MYBPC1: variants seen among roughly 807,000 people sequenced by gnomAD.
The protein encoded by MYBPC1 is myosin-binding protein C, slow-type.
A neutral mutation model predicts 147.1 loss-of-function variants in MYBPC1; 52 were observed. The ratio of observed to expected loss-of-function variants is 0.35; its 90% CI spans 0.28 to 0.45. The LOEUF (loss-of-function observed/expected upper bound fraction) is 0.45, where lower values mean the gene tolerates loss of function less well. Among genes scored for constraint, MYBPC1 ranks in the 20% least tolerant of loss-of-function variants. MYBPC1 has a pLI of 1.00. For synonymous variants in MYBPC1, 477 were observed against 475.9 expected (o/e 1.00, Z -0.03); for missense variants, 1,228 against 1,440.3 (o/e 0.85, Z 2.39).
Position 101,629,536 on chromosome 12 carries a change from T to C in MYBPC1, c.281T>C (p.Val94Ala), listed in dbSNP as rs1889392008. The change falls in exon 6 of 32, where the codon GTG becomes GCG. Residue 94 changes from valine to alanine, a missense_variant. Physicochemically the swap from Val to Ala is moderately conservative, Grantham distance 64 (BLOSUM62 0). Around this residue, in one of 2 missense-constraint regions of MYBPC1, gnomAD observed 151 missense variants for 126.1 expected, o/e 1.20. Coordinates refer to ENST00000361466, the MANE Select transcript of MYBPC1 (RefSeq NM_002465.4). ...ATTGAAAAACCTCAAGGAGGAACAG[T>C]GAAAGTTGGTGAGTGCCTAGCATTC... ...LFIEKPQGGT[V>A]KVGEDITFIA... is the part of the protein sequence containing the mutation. 1 of 1,609,072 alleles carries C rather than the reference T, an allele frequency of 6.2e-7. No homozygotes were observed. Among genetic ancestry groups the C allele is most frequent in the Non-Finnish European group, 8.5e-7 (1 of 1,175,604 alleles).
At chr12:101,624,719 G>GTTTTTTTTTTT (rs1888185227) in intron 3 of MYBPC1, among the ~76,000 whole-genome samples, 1 of 92,372 alleles carries the variant, frequency 1.1e-5, no homozygotes, top group African/African-American at 3.9e-5. Flanking sequence ...TACGGAGAGA[G>GTTTTTTTTTTT]TCTTGTTATG....
chr12:101,658,841 G>T (rs544500456), intron 18 of MYBPC1, among the ~76,000 whole-genome samples: 1 of 152,286 alleles, frequency 6.6e-6, no homozygotes, highest in East Asian at 1.9e-4. Context: ...AGACTTATGA[G>T]TCCTGATACA....
At chr12:101,688,193 G>A (rs913749696), downstream of MYBPC1, among the ~76,000 whole-genome samples, 8 of 152,294 alleles carry the variant, frequency 5.3e-5, no homozygotes, top group South Asian at 1.4e-3. Flanking sequence ...GCCGAGGCGG[G>A]CAGATCACTT....
rs1469404659 is a variant in MYBPC1 at position 101,597,461 on chromosome 12, A to G, written c.25+2366A>G. Among the ~76,000 whole-genome samples the G allele has an allele frequency of 4.6e-5, 7 of 152,232 alleles. No individual in the cohort carries two copies. In the East Asian group the frequency reaches 1.3e-3, roughly 29 times the overall value. On this transcript the variant is annotated intron_variant, in intron 1 of 31. Coordinates refer to ENST00000361466, the MANE Select transcript of MYBPC1 (RefSeq NM_002465.4). ...GGCTGAGTTTTCAGCACCTGAAGGTACAAAAAATGTCTCACTCAACTACTT... is the reference window on the plus strand; with the variant it reads ...GGCTGAGTTTTCAGCACCTGAAGGTGCAAAAAATGTCTCACTCAACTACTT...
chr12:101,684,429 G>T lies in MYBPC1; in HGVS notation c.*19+5G>T. The T allele has an allele frequency of 6.3e-7, 1 of 1,579,078 alleles. No individual in the cohort carries two copies. Reference sequence around the variant, plus strand: ...GAATGTATAATATCATCTAAGGTAAGCTTTCATATGGTTTTGGCATATGAA... The same window carrying T: ...GAATGTATAATATCATCTAAGGTAATCTTTCATATGGTTTTGGCATATGAA... On this transcript the variant is annotated splice_donor_5th_base_variant and intron_variant, in intron 31 of 31. Coordinates refer to ENST00000361466, the MANE Select transcript of MYBPC1 (RefSeq NM_002465.4).
rs573367273 is a variant in MYBPC1 at position 101,615,859 on chromosome 12, C to T, written c.61+1328C>T. On this transcript the variant is annotated intron_variant, in intron 2 of 31. Coordinates refer to ENST00000361466, the MANE Select transcript of MYBPC1 (RefSeq NM_002465.4). ...GGCAATTATAAAGCTCTTCCTCTTC[C>T]TCCCTGGAGATCGTTTTTCTTTTTT... Among the ~76,000 whole-genome samples the T allele has an allele frequency of 9.2e-5, 14 of 152,146 alleles. 1 individual carries two copies. The highest frequency in any genetic ancestry group is 8.5e-4 in the Admixed American group (13 of 15,258).
intron 15 of MYBPC1, among the ~76,000 whole-genome samples, 174 bp downstream of exon 15, chr12:101,649,600 G>A (rs1022387694): frequency 6.6e-6 from 1 of 152,120 alleles, no homozygotes; most frequent in African/African-American, 2.4e-5. Context: ...TTTAAGGAAG[G>A]AACCACGACT....
At chr12:101,618,297 C>T (rs1886592818) in intron 3 of MYBPC1, among the ~76,000 whole-genome samples, 2 of 152,288 alleles carry the variant, frequency 1.3e-5, no homozygotes, top group South Asian at 4.1e-4. Context: ...CGTTAGTATA[C>T]TCACTTTGTC....
At chr12:101,606,434 CT>C (rs1678052679) in intron 1 of MYBPC1, among the ~76,000 whole-genome samples, 2 of 151,476 alleles carry the variant, frequency 1.3e-5, no homozygotes, top group South Asian at 4.2e-4. Context: ...CCAGACTGTA[CT>C]TTGAGAACCA....
rs1410513640 is a variant in MYBPC1 at position 101,632,051 on chromosome 12, G to A, written c.469G>A (p.Ala157Thr). The A allele has an allele frequency of 6.2e-7, 1 of 1,613,776 alleles. No individual in the cohort carries two copies. The highest frequency in any genetic ancestry group is 1.7e-4 in the Middle Eastern group (1 of 6,060). ...CACATTTGAGATGCAGATCATCAAGGCCAAAGATAACTTTGCAGGAAATTA... is the reference window on the plus strand; with the variant it reads ...CACATTTGAGATGCAGATCATCAAGACCAAAGATAACTTTGCAGGAAATTA... The part of the protein sequence containing the change: ...VYTFEMQIIK[A>T]KDNFAGNYRC... Residue 157 changes from alanine (A) to threonine (T), a missense_variant, in exon 8 of 32, where the codon GCC becomes ACC. Coordinates refer to ENST00000361466, the MANE Select transcript of MYBPC1 (RefSeq NM_002465.4).
chr12:101,616,430 G>C (rs1186289739), intron 2 of MYBPC1, among the ~76,000 whole-genome samples: 1 of 151,978 alleles, frequency 6.6e-6, no homozygotes, highest in Non-Finnish European at 1.5e-5. Flanking sequence ...GCACAATATT[G>C]ACTTCCTGTT....
At chr12:101,677,124 T>TTTTTTTC (rs561738270) in intron 26 of MYBPC1, 111 bp from the exon 27 acceptor site, 6 of 1,069,192 alleles carry the variant, frequency 5.6e-6, no homozygotes, top group Non-Finnish European at 8.2e-6. Flanking sequence ...ATGAGTGGTC[T>TTTTTTTC]TTTTTTCTTT....
Position 101,661,273 on chromosome 12 carries a change from G to A in MYBPC1, c.2032+11G>A. On this transcript the variant is annotated intron_variant, in intron 20 of 31. Transcript: ENST00000361466. ...GCTCTCCAATCCTAGGTAACTGCAT[G>A]TTGGTTAGTCTGTGTAACTGCCAGT... 1 of 1,575,936 alleles carries A rather than the reference G, an allele frequency of 6.3e-7. No homozygotes were observed. Among genetic ancestry groups the A allele is most frequent in the Admixed American group, 1.7e-5 (1 of 59,810 alleles).
At chr12:101,616,823 C>T (rs1217741302) in intron 2 of MYBPC1, among the ~76,000 whole-genome samples, 1 of 152,186 alleles carries the variant, frequency 6.6e-6, no homozygotes, top group Non-Finnish European at 1.5e-5. Flanking sequence ...ATGGGGCAAA[C>T]TGACTTTTCT....
intron 9 of MYBPC1, among the ~76,000 whole-genome samples, chr12:101,636,026 T>A (rs565742085): frequency 6.6e-6 from 1 of 152,248 alleles, no homozygotes; most frequent in Admixed American, 6.5e-5. Context: ...TCAAGACAAA[T>A]TTTTTTAAAA....
At chr12:101,599,836 C>T (rs1879117699) in intron 1 of MYBPC1, among the ~76,000 whole-genome samples, 1 of 152,116 alleles carries the variant, frequency 6.6e-6, no homozygotes, top group Non-Finnish European at 1.5e-5. Context: ...CTGAGAAAAA[C>T]CACCATGCTG....
At chr12:101,634,967 G>A (rs773722292) in intron 9 of MYBPC1, among the ~76,000 whole-genome samples, 12 of 152,104 alleles carry the variant, frequency 7.9e-5, no homozygotes, top group Admixed American at 3.3e-4. Flanking sequence ...GTTAAGTCAC[G>A]GCAGAAAACT....
chr12:101,633,282 G>C (rs2136076445), intron 8 of MYBPC1, among the ~76,000 whole-genome samples: 1 of 152,268 alleles, frequency 6.6e-6, no homozygotes, highest in South Asian at 2.1e-4. Context: ...GTTGCAAAGA[G>C]GGGAAGGGGC....
rs78757687 is a variant in MYBPC1 at position 101,682,421 on chromosome 12, G to A, written c.3434-183G>A. 0.041 allele frequency among the ~76,000 whole-genome samples: 6,195 copies of A among 152,160 alleles called. 199 individuals are homozygous for A. Among genetic ancestry groups the A allele is most frequent in the South Asian group, 0.14 (699 of 4,826 alleles). ...ATAATGTATTCTAGTACATAAGTTC[G>A]TAATAAAGTATCAATTGTGATATAT... On this transcript the variant is annotated intron_variant, in intron 29 of 31. Coordinates refer to ENST00000361466, the MANE Select transcript of MYBPC1 (RefSeq NM_002465.4).
Sources: gnomAD v4.1 joint callset for allele counts (sites outside exome capture counted in the v4.1 genomes callset) on GRCh38, gnomAD v4.1.1 for gene constraint, gnomAD v4.1.1 regional missense constraint, MANE v1.5 for transcripts, NCBI Gene and HGNC (gene_info 2026-07-23, HGNC 2026-07-21) for gene names.